ADAMTS9: variants seen among roughly 807,000 people sequenced by gnomAD.
ADAMTS9 encodes A disintegrin and metalloproteinase with thrombospondin motifs 9.
In ADAMTS9, 107 loss-of-function variants were observed where a neutral mutation model predicts 257.1. The observed-to-expected ratio is 0.42, with a 90% CI of 0.36 to 0.49. ADAMTS9 has a LOEUF of 0.49. Among genes scored for constraint, ADAMTS9 ranks in the 20% least tolerant of loss-of-function variants. The probability of loss-of-function intolerance (pLI) is 0.03; values close to 1 mark genes in which losing one functional copy is unlikely to be tolerated. For synonymous variants in ADAMTS9, 982 were observed against 880.9 expected (o/e 1.11, Z -2.03); for missense variants, 2,353 against 2,469.1 (o/e 0.95, Z 1.00).
intron 37 of ADAMTS9, 51 bp from the exon 38 acceptor site, chr3:64,533,321 A>G (rs1215500664): frequency 6.8e-7 from 1 of 1,460,922 alleles, no homozygotes; most frequent in Non-Finnish European, 9.6e-7. Flanking sequence ...GATGTCCTCA[A>G]AAAAGCAAAG....
intron 12 of ADAMTS9, among the ~76,000 whole-genome samples, chr3:64,638,941 C>G (rs1031762655): frequency 6.6e-6 from 1 of 152,098 alleles, no homozygotes; most frequent in African/African-American, 2.4e-5. Context: ...AAACAGAGCT[C>G]TCCATTATAT....
intron 9 of ADAMTS9, chr3:64,650,651 G>C (rs1206309842): frequency 5.3e-6 from 1 of 187,994 alleles, no homozygotes; most frequent in African/African-American, 2.4e-5. Context: ...CCCCTTTTCA[G>C]GCCCAAATTA....
chr3:64,674,218 G>T (rs1701568103), intron 3 of ADAMTS9, among the ~76,000 whole-genome samples: 1 of 152,006 alleles, frequency 6.6e-6, no homozygotes, highest in African/African-American at 2.4e-5. Flanking sequence ...GATTTTAGAG[G>T]TCATTGCTTA....
intron 28 of ADAMTS9, among the ~76,000 whole-genome samples, chr3:64,591,268 C>T (rs1471127361): frequency 6.6e-6 from 1 of 151,956 alleles, no homozygotes; most frequent in Non-Finnish European, 1.5e-5. Context: ...GGCGAAACCC[C>T]GTCTCTACTA....
At chr3:64,672,806 A>G (rs1029043543) in intron 3 of ADAMTS9, among the ~76,000 whole-genome samples, 2 of 152,208 alleles carry the variant, frequency 1.3e-5, no homozygotes, top group Non-Finnish European at 2.9e-5. Flanking sequence ...TCTGGGCTTC[A>G]AAACACAGGT....
chr3:64,620,174 G>T (rs939035213), intron 19 of ADAMTS9, among the ~76,000 whole-genome samples: 1 of 152,056 alleles, frequency 6.6e-6, no homozygotes, highest in Admixed American at 6.6e-5. Context: ...TATGACACTC[G>T]TACCATAACT....
chr3:64,678,284 G>A (rs1170801792), intron 3 of ADAMTS9, among the ~76,000 whole-genome samples: 3 of 152,334 alleles, frequency 2.0e-5, no homozygotes, highest in East Asian at 3.9e-4. Flanking sequence ...GACTCCTCCA[G>A]TTCCAGTATC....
chr3:64,549,462 A>G (rs894206628), intron 31 of ADAMTS9, among the ~76,000 whole-genome samples: 4 of 152,142 alleles, frequency 2.6e-5, no homozygotes, highest in East Asian at 1.9e-4. Flanking sequence ...CTCAAACCCA[A>G]TATCAAGAAC....
intron 3 of ADAMTS9, among the ~76,000 whole-genome samples, chr3:64,659,468 T>G (rs1428443419): frequency 9.2e-6 from 1 of 109,268 alleles, no homozygotes; most frequent in Non-Finnish European, 1.8e-5. Flanking sequence ...ATACTCTGTC[T>G]CAAACAAAAA....
intron 38 of ADAMTS9, among the ~76,000 whole-genome samples, chr3:64,524,475 G>A (rs745614287): frequency 2.6e-5 from 4 of 152,258 alleles, no homozygotes; most frequent in African/African-American, 7.2e-5. Flanking sequence ...CTCATTTCAC[G>A]TCAGCATTAA....
chr3:64,675,844 T>C (rs1050988081), intron 3 of ADAMTS9, among the ~76,000 whole-genome samples: 3 of 152,282 alleles, frequency 2.0e-5, no homozygotes, highest in Non-Finnish European at 4.4e-5. Context: ...TGCTGACCAA[T>C]GTATTACATA....
At chr3:64,600,857 A>C (rs1014743113) in intron 26 of ADAMTS9, among the ~76,000 whole-genome samples, 1 of 152,212 alleles carries the variant, frequency 6.6e-6, no homozygotes, top group Non-Finnish European at 1.5e-5. Flanking sequence ...CGCAGTGGGA[A>C]ACAGACAGCT....
chr3:64,660,557 A>G (rs557507633), intron 3 of ADAMTS9, among the ~76,000 whole-genome samples: 1 of 152,282 alleles, frequency 6.6e-6, no homozygotes, highest in South Asian at 2.1e-4. Context: ...CTCTGGCACT[A>G]TCCTGCCCCA....
intron 12 of ADAMTS9, among the ~76,000 whole-genome samples, chr3:64,641,444 A>G (rs943193850): frequency 3.8e-4 from 56 of 147,478 alleles, no homozygotes; most frequent in Middle Eastern, 3.4e-3. Context: ...AGCATTAGGT[A>G]TATCTCCTAA....
intron 14 of ADAMTS9, 79 bp from the exon 15 acceptor site, chr3:64,632,004 C>A: frequency 1.8e-6 from 2 of 1,095,634 alleles, no homozygotes; most frequent in Non-Finnish European, 2.7e-6. Flanking sequence ...TTCTTTTAAT[C>A]GTGTGCACTA....
chr3:64,549,597 C>T lies in ADAMTS9; in HGVS notation c.4869+1295G>A, dbSNP rs1355494550. The stretch of plus-strand genomic sequence containing the variant: ...GCATGCGGTACTACTCAGGGCATAC[C>T]GAGAAGATGCAGGGTTGGGGTCGAG... On this transcript the variant is annotated intron_variant, in intron 31 of 39. Coordinates refer to ENST00000498707, the MANE Select transcript of ADAMTS9 (RefSeq NM_182920.2). 2.0e-5 allele frequency among the ~76,000 whole-genome samples: 3 copies of T among 152,112 alleles called. 1 individual carries two copies. The highest frequency in any genetic ancestry group is 1.3e-4 in the Admixed American group (2 of 15,258).
chr3:64,531,705 G>A (rs773750477), intron 38 of ADAMTS9, among the ~76,000 whole-genome samples: 1 of 152,148 alleles, frequency 6.6e-6, no homozygotes, highest in Non-Finnish European at 1.5e-5. Context: ...AGGATCAGGC[G>A]ATCCTCACTG....
intron 32 of ADAMTS9, 30 bp downstream of exon 32, chr3:64,546,728 T>C (rs778747200): frequency 6.4e-7 from 1 of 1,555,392 alleles, no homozygotes; most frequent in Non-Finnish European, 8.7e-7. Context: ...CCAAGGGCTT[T>C]CAGATTTGAG....
At chr3:64,539,017 C>A (rs2083087730) in intron 37 of ADAMTS9, among the ~76,000 whole-genome samples, 186 bp downstream of exon 37, 1 of 152,126 alleles carries the variant, frequency 6.6e-6, no homozygotes, top group South Asian at 2.1e-4. Flanking sequence ...TCCTTAGGAC[C>A]CACTTTCAGG....
Sources: gnomAD v4.1 joint callset for allele counts (sites outside exome capture counted in the v4.1 genomes callset) on GRCh38, gnomAD v4.1.1 for gene constraint, MANE v1.5 for transcripts, NCBI Gene and HGNC (gene_info 2026-07-23, HGNC 2026-07-21) for gene names.